Variants in RASA1 observed in about 807,000 individuals in gnomAD.
The protein encoded by RASA1 is RAS p21 protein activator 1.
RASA1 carries 25 observed loss-of-function variants against 132.2 expected under a neutral mutation model. The observed-to-expected ratio is 0.19, with a 90% CI of 0.14 to 0.26. The LOEUF (loss-of-function observed/expected upper bound fraction) is 0.26. Ranked by LOEUF, RASA1 falls within the 10% of genes least tolerant of loss-of-function variation. RASA1 has a pLI of 1.00. For synonymous variants in RASA1, 477 were observed against 449.9 expected (o/e 1.06, Z -0.76); for missense variants, 964 against 1,299.2 (o/e 0.74, Z 3.97).
chr5:87,287,243 T>TACCGTATATATACACACCATATAC (rs1561256549), intron 1 of RASA1, among the ~76,000 whole-genome samples: 1 of 144,212 alleles, frequency 6.9e-6, no homozygotes, highest in African/African-American at 2.6e-5. Context: ...ACCATATATA[T>TACCGTATATATACACACCATATAC]ACCGTATATA....
intron 1 of RASA1, among the ~76,000 whole-genome samples, chr5:87,319,866 T>C (rs1265404726): frequency 6.6e-6 from 1 of 152,212 alleles, no homozygotes. Flanking sequence ...CTGCAAAATT[T>C]CCAAACTTTT....
At chr5:87,288,621 G>A (rs992531002) in intron 1 of RASA1, among the ~76,000 whole-genome samples, 3 of 152,024 alleles carry the variant, frequency 2.0e-5, no homozygotes, top group African/African-American at 4.8e-5. Context: ...ACAAGTGAGT[G>A]GGCTTTTTTT....
At chr5:87,333,041 G>T (rs547013182) in intron 3 of RASA1, among the ~76,000 whole-genome samples, 1 of 151,910 alleles carries the variant, frequency 6.6e-6, no homozygotes, top group Admixed American at 6.6e-5. Context: ...TTCATATTAC[G>T]TTATAAAAGC....
chr5:87,272,805 T>A (rs751146956), intron 1 of RASA1, among the ~76,000 whole-genome samples: 1 of 152,226 alleles, frequency 6.6e-6, no homozygotes, highest in Non-Finnish European at 1.5e-5. Context: ...AGCAGTAGGT[T>A]AAGCAATTTT....
chr5:87,367,590 G>T (rs1161195917), intron 11 of RASA1, among the ~76,000 whole-genome samples: 1 of 152,072 alleles, frequency 6.6e-6, no homozygotes, highest in African/African-American at 2.4e-5. Context: ...CCATTTCCTT[G>T]TATTAAACTT....
chr5:87,267,912 T>C lies in RASA1; in HGVS notation c.-540T>C, dbSNP rs1268075133. On this transcript the variant is annotated 5_prime_UTR_variant, in exon 1 of 25. Coordinates refer to ENST00000274376, the MANE Select transcript of RASA1 (RefSeq NM_002890.3). ...ACTGAGAGCTCCAGGTAGTGAGCAG[T>C]TCAGTCGATTTCCTCGTTACCCCGC... 5 of 389,606 alleles carry C rather than the reference T, an allele frequency of 1.3e-5. No individual in the cohort carries two copies. Among genetic ancestry groups the C allele is most frequent in the Admixed American group, 4.4e-5 (1 of 22,748 alleles). The allele number at this position is 389,606 out of a possible 1,614,324, so 24.1% of individuals were successfully genotyped here. A position where few individuals can be genotyped will look rare whatever the true frequency, so the allele number is the denominator to read the frequency against.
intron 9 of RASA1, among the ~76,000 whole-genome samples, chr5:87,360,434 T>C (rs1759999202): frequency 6.6e-6 from 1 of 152,220 alleles, no homozygotes; most frequent in Admixed American, 6.5e-5. Flanking sequence ...TTGAAAACTC[T>C]GATGGCTCAT....
At chr5:87,390,538 G>A (rs965442548) in intron 24 of RASA1, among the ~76,000 whole-genome samples, 2 of 151,980 alleles carry the variant, frequency 1.3e-5, no homozygotes, top group African/African-American at 2.4e-5. Context: ...ACATGTGATA[G>A]TGTGATAGTT....
chr5:87,294,627 T>C (rs1477034989), intron 1 of RASA1, among the ~76,000 whole-genome samples: 1 of 152,266 alleles, frequency 6.6e-6, no homozygotes, highest in African/African-American at 2.4e-5. Context: ...CATTTCTCTT[T>C]GATTAATGTG....
At chr5:87,388,492 G>T (rs1297510256) in intron 23 of RASA1, among the ~76,000 whole-genome samples, 3 of 152,112 alleles carry the variant, frequency 2.0e-5, no homozygotes, top group African/African-American at 7.2e-5. Context: ...CTCCAATTTT[G>T]GATTTTTGGA....
Position 87,379,862 on chromosome 5 carries a change from A to T in RASA1, c.2603+12A>T. On this transcript the variant is annotated intron_variant, in intron 19 of 24. Transcript: ENST00000274376. The stretch of plus-strand genomic sequence containing the variant: ...GAAATACTTCCACCGTAAGTGGTGA[A>T]ATTTTCATTTGACAAGAAATTGTGT... 6.2e-7 allele frequency: 1 copy of T among 1,610,442 alleles called. No individual in the cohort carries two copies. Among genetic ancestry groups the T allele is most frequent in the South Asian group, 1.1e-5 (1 of 90,920 alleles).
rs780044015 is a variant in RASA1 at position 87,268,561 on chromosome 5, A to G, written c.110A>G (p.Lys37Arg). Residue 37 changes from lysine (K) to arginine (R), a missense_variant, in exon 1 of 25, where the codon AAG becomes AGG. This residue lies in a region of RASA1 where 326 missense variants were observed against 275.8 expected (regional missense o/e 1.18). Transcript: ENST00000274376. ...GCCTATCCCGCAGTGTGTCGGGTGAAGATACCCGCGGCCCTGCCTGTGGCA... is the reference window on the plus strand; with the variant it reads ...GCCTATCCCGCAGTGTGTCGGGTGAGGATACCCGCGGCCCTGCCTGTGGCA... ...SSAYPAVCRVKIPAALPVAAA... is the reference protein window; with the variant it reads ...SSAYPAVCRVRIPAALPVAAA... 24 of 1,605,876 alleles carry G rather than the reference A, an allele frequency of 1.5e-5. No individual in the cohort carries two copies. The East Asian group carries it at 3.4e-4, about 23-fold the overall frequency.
chr5:87,304,939 C>CTTTTTT (rs756572506), intron 1 of RASA1, among the ~76,000 whole-genome samples: 7 of 64,404 alleles, frequency 1.1e-4, no homozygotes, highest in East Asian at 3.9e-4. Context: ...TCTTTTAGTC[C>CTTTTTT]TTTTTTTTTT....
chr5:87,350,556 C>G (rs2112424881), intron 8 of RASA1, among the ~76,000 whole-genome samples: 1 of 151,638 alleles, frequency 6.6e-6, no homozygotes, highest in Non-Finnish European at 1.5e-5. Flanking sequence ...TATGATACAT[C>G]ACACAAAACT....
rs368014617 is a variant in RASA1, at chr5:87,385,270, G to T, written c.2759-31G>T. 75 of 1,389,030 alleles carry T rather than the reference G, an allele frequency of 5.4e-5. No homozygotes were observed. The African/African-American group carries it at 9.1e-4, about 17-fold the overall frequency. The allele number at this position is 1,389,030 out of a possible 1,614,324, so 86.0% of individuals were successfully genotyped here. A position where few individuals can be genotyped will look rare whatever the true frequency, so the allele number is the denominator to read the frequency against. Reference sequence around the variant, plus strand: ...TTAGCTGGAAGTGCTGTTGGACTTGGTGTCATTAGCTGTGCCCAATTCTGT... The same window carrying T: ...TTAGCTGGAAGTGCTGTTGGACTTGTTGTCATTAGCTGTGCCCAATTCTGT... On this transcript the variant is annotated intron_variant, in intron 21 of 24. Coordinates refer to ENST00000274376, the MANE Select transcript of RASA1 (RefSeq NM_002890.3).
At chr5:87,331,080 G>T in intron 1 of RASA1, 1 of 984,696 alleles carries the variant, frequency 1.0e-6, no homozygotes. Context: ...GGCAATCCTG[G>T]AAGTAGGGAG....
intron 1 of RASA1, among the ~76,000 whole-genome samples, chr5:87,325,998 GTCTC>G (rs1281293792): frequency 6.6e-6 from 1 of 151,966 alleles, no homozygotes; most frequent in South Asian, 2.1e-4. Context: ...CTGTGACAGG[GTCTC>G]TCTCTGTTGC....
intron 1 of RASA1, among the ~76,000 whole-genome samples, chr5:87,290,795 C>A (rs1754880915): frequency 6.6e-6 from 1 of 152,016 alleles, no homozygotes; most frequent in African/African-American, 2.4e-5. Flanking sequence ...ATTTAGGATT[C>A]ATTCTTTCTT....
intron 1 of RASA1, among the ~76,000 whole-genome samples, chr5:87,278,414 G>T (rs957460010): frequency 6.6e-6 from 1 of 151,592 alleles, no homozygotes. Context: ...AATTAGCTGG[G>T]CGTGGTGGTG....
Sources: allele counts gnomAD v4.1 joint callset (sites outside exome capture counted in the v4.1 genomes callset), GRCh38; gene constraint gnomAD v4.1.1; regional missense constraint gnomAD v4.1.1; transcripts MANE v1.5; gene names NCBI Gene and HGNC (gene_info 2026-07-23, HGNC 2026-07-21).